Variants in AGBL4 observed in about 807,000 individuals in gnomAD.
AGBL4 encodes the protein AGBL carboxypeptidase 4, also known as cytosolic carboxypeptidase 6.
Under a neutral mutation model 66.4 loss-of-function variants are expected in AGBL4, and 58 were observed. That is an observed-to-expected ratio of 0.87 (90% CI 0.71 to 1.09). The LOEUF (loss-of-function observed/expected upper bound fraction) is 1.09, where lower values mean the gene tolerates loss of function less well. Ranked by LOEUF, AGBL4 falls within the 50% of genes least tolerant of loss-of-function variation. AGBL4 has a pLI of 0.00. For synonymous variants in AGBL4, 234 were observed against 222.9 expected, an observed-to-expected ratio of 1.05 and a Z score of -0.44; for missense variants, 579 against 631.0, an observed-to-expected ratio of 0.92 and a Z score of 0.88.
chr1:49,862,904 G>A (rs939959422), intron 1 of AGBL4, among the ~76,000 whole-genome samples: 5 of 152,260 alleles, frequency 3.3e-5, no homozygotes, highest in South Asian at 2.1e-4. Context: ...GCTAAATGAA[G>A]TAGTTCAATC....
At chr1:49,154,703 G>A (rs556172300) in intron 4 of AGBL4, among the ~76,000 whole-genome samples, 3 of 152,178 alleles carry the variant, frequency 2.0e-5, no homozygotes, top group South Asian at 2.1e-4. Flanking sequence ...TGTTAAAAGA[G>A]TACAGTGTTT....
chr1:49,273,856 A>AT (rs1644112501), intron 3 of AGBL4, among the ~76,000 whole-genome samples: 1 of 151,296 alleles, frequency 6.6e-6, no homozygotes, highest in Admixed American at 6.6e-5. Flanking sequence ...TTTGTTTTGT[A>AT]TTTTTTTAGT....
At chr1:49,242,747 G>A (rs944538017) in intron 4 of AGBL4, among the ~76,000 whole-genome samples, 1 of 151,868 alleles carries the variant, frequency 6.6e-6, no homozygotes, top group African/African-American at 2.4e-5. Flanking sequence ...TAAAATTGGA[G>A]TGAACTAAAA....
At chr1:49,766,540 G>A (rs1037405521) in intron 2 of AGBL4, among the ~76,000 whole-genome samples, 2 of 151,606 alleles carry the variant, frequency 1.3e-5, no homozygotes, top group Non-Finnish European at 2.9e-5. Flanking sequence ...AAAACAACCA[G>A]CTAACAACTT....
chr1:49,599,867 A>C (rs1447006465), intron 3 of AGBL4, among the ~76,000 whole-genome samples: 1 of 151,936 alleles, frequency 6.6e-6, no homozygotes, highest in Admixed American at 6.6e-5. Context: ...AATTTTATTT[A>C]CTCAGTAGTC....
At chr1:50,017,913 A>G (rs1321360791) in intron 1 of AGBL4, among the ~76,000 whole-genome samples, 1 of 152,302 alleles carries the variant, frequency 6.6e-6, no homozygotes, top group East Asian at 1.9e-4. Context: ...TAAAATAAAA[A>G]TACAAACATA....
intron 1 of AGBL4, among the ~76,000 whole-genome samples, chr1:49,902,113 T>C (rs1649819866): frequency 6.6e-6 from 1 of 152,142 alleles, no homozygotes; most frequent in African/African-American, 2.4e-5. Context: ...AATACCATTC[T>C]GGACACAGAA....
At chr1:49,998,660 T>A (rs1660529376) in intron 1 of AGBL4, among the ~76,000 whole-genome samples, 1 of 152,138 alleles carries the variant, frequency 6.6e-6, no homozygotes, top group Admixed American at 6.6e-5. Flanking sequence ...ACATCCCTGA[T>A]GAACACAGAT....
At chr1:49,529,716 A>G (rs1476405549) in intron 3 of AGBL4, among the ~76,000 whole-genome samples, 2 of 152,068 alleles carry the variant, frequency 1.3e-5, no homozygotes, top group African/African-American at 4.8e-5. Flanking sequence ...TTACTATTCA[A>G]TAACAGTTTT....
intron 3 of AGBL4, among the ~76,000 whole-genome samples, chr1:49,250,605 G>C (rs529517402): frequency 6.6e-6 from 1 of 151,882 alleles, no homozygotes; most frequent in African/African-American, 2.4e-5. Context: ...CACTATGCTT[G>C]GCTAATTTTT....
rs537923786 is a variant in AGBL4, at chr1:49,111,403, C to T, written c.378-65603G>A. The stretch of plus-strand genomic sequence containing the variant: ...CTGGGATTACAGGCATGAGCCACCG[C>T]ACCTGGCCCAATTCCTTGAATTCTA... On this transcript the variant is annotated intron_variant, in intron 4 of 13. Coordinates refer to ENST00000371839, the MANE Select transcript of AGBL4 (RefSeq NM_032785.4). Among the ~76,000 whole-genome samples the T allele has an allele frequency of 9.1e-4, 139 of 152,344 alleles. 2 individuals carry two copies. Among genetic ancestry groups the T allele is most frequent in the African/African-American group, 4.6e-4 (19 of 41,588 alleles).
At chr1:49,578,558 G>A (rs1160913369) in intron 3 of AGBL4, among the ~76,000 whole-genome samples, 1 of 152,192 alleles carries the variant, frequency 6.6e-6, no homozygotes, top group Admixed American at 6.5e-5. Context: ...TTAAAAACAT[G>A]TTTGTGCACG....
At chr1:48,786,521 C>A (rs1282867657) in intron 6 of AGBL4, among the ~76,000 whole-genome samples, 1 of 152,202 alleles carries the variant, frequency 6.6e-6, no homozygotes, top group East Asian at 1.9e-4. Flanking sequence ...TGAATCCCTA[C>A]CTAGAAACCT....
At chr1:49,758,149 G>A (rs1359775162) in intron 2 of AGBL4, among the ~76,000 whole-genome samples, 4 of 152,172 alleles carry the variant, frequency 2.6e-5, no homozygotes, top group African/African-American at 9.7e-5. Flanking sequence ...CCAAGCCTTG[G>A]CAACTTCCAC....
chr1:48,975,029 A>T (rs749320282), intron 5 of AGBL4, among the ~76,000 whole-genome samples: 1 of 152,110 alleles, frequency 6.6e-6, no homozygotes, highest in Non-Finnish European at 1.5e-5. Flanking sequence ...TATTATAAGG[A>T]GGAAGTTGCA....
chr1:49,796,041 A>G (rs1262834433), intron 2 of AGBL4, among the ~76,000 whole-genome samples: 1 of 151,960 alleles, frequency 6.6e-6, no homozygotes, highest in East Asian at 1.9e-4. Flanking sequence ...CTAAGACTTA[A>G]TATTCTTACA....
At chr1:49,317,001 C>A (rs1645050045) in intron 3 of AGBL4, among the ~76,000 whole-genome samples, 1 of 151,672 alleles carries the variant, frequency 6.6e-6, no homozygotes, top group African/African-American at 2.4e-5. Flanking sequence ...ATCCTTTTAT[C>A]TAATTATTAA....
intron 5 of AGBL4, among the ~76,000 whole-genome samples, chr1:48,930,770 C>CA (rs1391822149): frequency 1.3e-5 from 2 of 152,270 alleles, no homozygotes; most frequent in East Asian, 3.9e-4. Context: ...CATCACTCTA[C>CA]AAAACAGAAA....
At chr1:48,812,949 G>C (rs1279330284) in intron 6 of AGBL4, among the ~76,000 whole-genome samples, 1 of 151,922 alleles carries the variant, frequency 6.6e-6, no homozygotes. Context: ...ATCACACACT[G>C]GGGACTGTTG....
Sources: allele counts gnomAD v4.1 joint callset (sites outside exome capture counted in the v4.1 genomes callset), GRCh38; gene constraint gnomAD v4.1.1; transcripts MANE v1.5; gene names NCBI Gene and HGNC (gene_info 2026-07-23, HGNC 2026-07-21).